Variants in EDIL3 observed in about 807,000 individuals in gnomAD.
EDIL3 encodes EGF-like repeat and discoidin I-like domain-containing protein 3.
Under a neutral mutation model 67.4 loss-of-function variants are expected in EDIL3, and 37 were observed. The ratio of observed to expected loss-of-function variants is 0.55; its 90% confidence interval spans 0.42 to 0.72. The LOEUF is 0.72. Among genes scored for constraint, EDIL3 ranks in the 30% least tolerant of loss-of-function variants. The probability of loss-of-function intolerance (pLI) is 0.00; values close to 1 mark genes in which losing one functional copy is unlikely to be tolerated. For synonymous variants in EDIL3, 195 were observed against 196.3 expected, an observed-to-expected ratio of 0.99 and a Z score of 0.05; for missense variants, 527 against 586.3, an observed-to-expected ratio of 0.90 and a Z score of 1.04.
chr5:83,991,177 C>T (rs1311216109), intron 9 of EDIL3, among the ~76,000 whole-genome samples: 1 of 152,082 alleles, frequency 6.6e-6, no homozygotes, highest in Non-Finnish European at 1.5e-5. Flanking sequence ...CTGCATGTTT[C>T]ATTTTCACAG....
intron 1 of EDIL3, among the ~76,000 whole-genome samples, chr5:84,302,223 T>C (rs1026459221): frequency 6.6e-5 from 10 of 152,170 alleles, no homozygotes; most frequent in South Asian, 4.1e-4. Flanking sequence ...TGCTTTTTTT[T>C]CTGCAGCTTA....
chr5:84,354,282 A>G (rs1561266385), intron 1 of EDIL3, among the ~76,000 whole-genome samples: 2 of 152,156 alleles, frequency 1.3e-5, no homozygotes, highest in Non-Finnish European at 2.9e-5. Context: ...CTATGGTGAC[A>G]ATGTCTCTAA....
chr5:84,224,375 G>GTTAAATTATATTTT (rs1326080387), intron 3 of EDIL3, among the ~76,000 whole-genome samples: 29 of 151,592 alleles, frequency 1.9e-4, no homozygotes, highest in Admixed American at 5.3e-4. Context: ...AACTTGATTT[G>GTTAAATTATATTTT]CTACACCTTA....
At chr5:84,086,460 T>G (rs1231986779) in intron 6 of EDIL3, among the ~76,000 whole-genome samples, 3 of 152,170 alleles carry the variant, frequency 2.0e-5, no homozygotes, top group Middle Eastern at 3.2e-3. Context: ...ACCCTGCTTC[T>G]GCTCGCTCTC....
intron 6 of EDIL3, among the ~76,000 whole-genome samples, chr5:84,106,117 A>G (rs1747455980): frequency 6.6e-6 from 1 of 152,112 alleles, no homozygotes; most frequent in African/African-American, 2.4e-5. Flanking sequence ...AAATCACTTA[A>G]TATTTCAGTA....
intron 1 of EDIL3, among the ~76,000 whole-genome samples, chr5:84,344,720 AAT>A (rs553131910): frequency 1.2e-3 from 179 of 152,200 alleles, no homozygotes; most frequent in African/African-American, 3.9e-3. Context: ...GATTAAATAA[AAT>A]ATGTTTTTAA....
chr5:83,990,558 TG>T (rs918183293), intron 9 of EDIL3, among the ~76,000 whole-genome samples: 78 of 149,404 alleles, frequency 5.2e-4, no homozygotes, highest in African/African-American at 1.9e-3. Context: ...GAAGACTTGG[TG>T]AAATGATTAT....
chr5:84,290,866 G>A (rs559281939), intron 1 of EDIL3, among the ~76,000 whole-genome samples: 2 of 152,296 alleles, frequency 1.3e-5, no homozygotes, highest in South Asian at 4.1e-4. Flanking sequence ...AAGATCCTAA[G>A]AGTGCAGAGG....
rs1253300274 is a variant in EDIL3 at position 84,384,572 on chromosome 5, C to T, written c.-198G>A. 1.1e-5 allele frequency: 5 copies of T among 449,064 alleles called. No individual in the cohort carries two copies. The highest frequency in any genetic ancestry group is 1.5e-5 in the Non-Finnish European group (4 of 263,238). The allele number at this position is 449,064 out of a possible 1,614,324, so 27.8% of individuals were successfully genotyped here. On this transcript the variant is annotated 5_prime_UTR_variant, in exon 1 of 11. Coordinates refer to ENST00000296591, the MANE Select transcript of EDIL3 (RefSeq NM_005711.5). The stretch of plus-strand genomic sequence containing the variant: ...GACTAAAGAGAGGAGCCTTTCCTCC[C>T]CTTTTGCCTGCGCTCCGGCGCGCGG...
At chr5:84,305,469 T>C (rs1226993307) in intron 1 of EDIL3, among the ~76,000 whole-genome samples, 1 of 152,232 alleles carries the variant, frequency 6.6e-6, no homozygotes, top group Admixed American at 6.5e-5. Context: ...AGATATAGGC[T>C]GTAATCCACT....
intron 3 of EDIL3, among the ~76,000 whole-genome samples, chr5:84,209,540 G>T (rs1158163352): frequency 6.6e-6 from 1 of 151,934 alleles, no homozygotes; most frequent in African/African-American, 2.4e-5. Flanking sequence ...GAAGGGCTGT[G>T]TTTGCCTTGG....
intron 9 of EDIL3, among the ~76,000 whole-genome samples, chr5:84,050,743 C>T (rs1187034046): frequency 2.6e-5 from 4 of 152,168 alleles, no homozygotes; most frequent in Admixed American, 6.5e-5. Context: ...GATCAAACTG[C>T]AAGGCAGCAG....
At chr5:84,019,449 C>T (rs1277457353) in intron 9 of EDIL3, among the ~76,000 whole-genome samples, 1 of 151,954 alleles carries the variant, frequency 6.6e-6, no homozygotes, top group Non-Finnish European at 1.5e-5. Context: ...TGCTAAATGA[C>T]AAGTTAATGG....
intron 3 of EDIL3, among the ~76,000 whole-genome samples, chr5:84,198,285 C>T (rs1409991360): frequency 1.3e-5 from 2 of 151,332 alleles, no homozygotes; most frequent in Non-Finnish European, 2.9e-5. Context: ...GATAGTGCTT[C>T]TGATGATAGA....
At chr5:84,013,081 T>C (rs2112182626) in intron 9 of EDIL3, among the ~76,000 whole-genome samples, 2 of 152,084 alleles carry the variant, frequency 1.3e-5, no homozygotes, top group East Asian at 1.9e-4. Flanking sequence ...ATAAAAACTT[T>C]CTAAGCTTTC....
chr5:84,229,219 C>T (rs1744514076), intron 3 of EDIL3, among the ~76,000 whole-genome samples: 1 of 152,096 alleles, frequency 6.6e-6, no homozygotes, highest in Admixed American at 6.6e-5. Flanking sequence ...TGGAAAATAC[C>T]ATGCCATCTC....
Position 84,384,288 on chromosome 5 carries a change from T to C in EDIL3, c.67+20A>G. On this transcript the variant is annotated intron_variant, in intron 1 of 10. Transcript: ENST00000296591. The stretch of plus-strand genomic sequence containing the variant: ...TCCCAGCCCATCCCTCACCCAGCTG[T>C]CCGGGTCCCGACGCCTTACCTTTGC... 6.2e-7 allele frequency: 1 copy of C among 1,604,902 alleles called. No homozygotes were observed. Among genetic ancestry groups the C allele is most frequent in the African/African-American group, 1.3e-5 (1 of 74,422 alleles).
intron 1 of EDIL3, among the ~76,000 whole-genome samples, chr5:84,316,139 C>G (rs986923233): frequency 6.6e-6 from 1 of 152,272 alleles, no homozygotes; most frequent in Non-Finnish European, 1.5e-5. Flanking sequence ...ACAACCAGTA[C>G]CATCCACGAC....
intron 1 of EDIL3, among the ~76,000 whole-genome samples, chr5:84,313,750 G>GT (rs1402197169): frequency 6.6e-5 from 10 of 152,178 alleles, no homozygotes; most frequent in Non-Finnish European, 2.9e-5. Context: ...ATCTCTGTGG[G>GT]TAGGACCCCA....
Sources: allele counts gnomAD v4.1 joint callset (sites outside exome capture counted in the v4.1 genomes callset), GRCh38; gene constraint gnomAD v4.1.1; transcripts MANE v1.5; gene names NCBI Gene and HGNC (gene_info 2026-07-23, HGNC 2026-07-21).